RNF144A: variants seen among roughly 807,000 people sequenced by gnomAD.
RNF144A encodes ring finger protein 144A.
A neutral mutation model predicts 38.7 loss-of-function variants in RNF144A; 11 were observed. That is an observed-to-expected ratio of 0.28 (90% CI 0.18 to 0.47). RNF144A has a LOEUF of 0.47. RNF144A is among the 20% of genes least tolerant of loss of function. The pLI, the probability that RNF144A is intolerant of heterozygous loss-of-function variation, is 0.99. For missense variants in RNF144A, 316 were observed against 377.2 expected (o/e 0.84, Z 1.34); for synonymous variants, 149 against 143.9 (o/e 1.04, Z -0.25).
At chr2:6,952,402 TTTC>T (rs1226337314) in intron 2 of RNF144A, among the ~76,000 whole-genome samples, 1 of 150,734 alleles carries the variant, frequency 6.6e-6, no homozygotes, top group African/African-American at 2.5e-5. Flanking sequence ...GTTTTTTTTT[TTTC>T]CTGTTTTTCC....
At chr2:7,032,604 T>A (rs1019655486) in intron 8 of RNF144A, among the ~76,000 whole-genome samples, 1 of 152,242 alleles carries the variant, frequency 6.6e-6, no homozygotes. Context: ...GATGCGTCAC[T>A]GCAATCCTCC....
chr2:7,054,732 GTCCT>G (rs1276411292), intron 6 of RNF144A, among the ~76,000 whole-genome samples: 1 of 152,254 alleles, frequency 6.6e-6, no homozygotes, highest in East Asian at 1.9e-4. Context: ...GCAGAGAGCT[GTCCT>G]CACCAGAACC....
chr2:6,976,665 A>C (rs1159185079), intron 2 of RNF144A, among the ~76,000 whole-genome samples: 1 of 149,180 alleles, frequency 6.7e-6, no homozygotes, highest in Non-Finnish European at 1.5e-5. Context: ...TACATTTCAT[A>C]TATAAACTTT....
chr2:7,040,628 T>C lies in RNF144A; in HGVS notation c.*868T>C. 1 of 985,482 alleles carries C rather than the reference T, an allele frequency of 1.0e-6. No individual in the cohort carries two copies. The allele number at this position is 985,482 out of a possible 1,614,324, so 61.0% of individuals were successfully genotyped here. On this transcript the variant is annotated 3_prime_UTR_variant, in exon 9 of 9. Coordinates refer to ENST00000320892, the MANE Select transcript of RNF144A (RefSeq NM_014746.6). ...TTTTTATTGTATTCAATCCCACTGC[T>C]TTGCTCGGCAATGGTTCTCCTCCGA...
chr2:6,918,403 C>G (rs1249348682), intron 1 of RNF144A: 1 of 152,376 alleles, frequency 6.6e-6, no homozygotes, highest in Non-Finnish European at 1.5e-5. Context: ...CTTCTTTACC[C>G]TAATGGTCTT....
At position 7,015,969 on chromosome 2, in the gene RNF144A, C is replaced by T. The variant is rs147979892; in HGVS notation, c.301+1197C>T. On this transcript the variant is annotated intron_variant, in intron 5 of 8. Transcript: ENST00000320892. ...CAGAGACTCCCAGTTTAGCTGCATG[C>T]AGAGACCTGTTGTTTGTATATTTTT... 3.0e-3 allele frequency among the ~76,000 whole-genome samples: 455 copies of T among 152,066 alleles called. 7 individuals are homozygous for T. Among genetic ancestry groups the T allele is most frequent in the Middle Eastern group, 0.01 (3 of 294 alleles).
intron 6 of RNF144A, among the ~76,000 whole-genome samples, chr2:7,063,827 T>G (rs1674074771): frequency 6.6e-6 from 1 of 152,204 alleles, no homozygotes; most frequent in Admixed American, 6.5e-5. Context: ...TCGTTAGTGG[T>G]GTTGACAAAT....
At chr2:7,070,169 T>TCTCTC (rs61385848), downstream of RNF144A, among the ~76,000 whole-genome samples, 13 of 151,962 alleles carry the variant, frequency 8.6e-5, no homozygotes, top group African/African-American at 3.1e-4. Flanking sequence ...TCTCTCTCTC[T>TCTCTC]TTATTTTTTA....
At chr2:6,937,059 A>G (rs1665637277) in intron 1 of RNF144A, among the ~76,000 whole-genome samples, 1 of 152,140 alleles carries the variant, frequency 6.6e-6, no homozygotes, top group African/African-American at 2.4e-5. Flanking sequence ...CCCAGTACGT[A>G]CATTCCTGGT....
intron 6 of RNF144A, among the ~76,000 whole-genome samples, chr2:7,049,743 A>G (rs1673444438): frequency 6.6e-6 from 1 of 152,234 alleles, no homozygotes; most frequent in Admixed American, 6.5e-5. Context: ...GGGAGTTATT[A>G]CAAACACCAA....
intron 2 of RNF144A, among the ~76,000 whole-genome samples, chr2:6,945,519 A>G (rs1280752828): frequency 6.6e-6 from 1 of 152,110 alleles, no homozygotes. Flanking sequence ...TACATGCCAA[A>G]TTGGAGGGAG....
At chr2:6,974,670 T>C (rs72781742) in intron 2 of RNF144A, among the ~76,000 whole-genome samples, 6,816 of 152,246 alleles carry the variant, frequency 0.045, 230 homozygotes, top group South Asian at 0.12. Context: ...CACATTGCCG[T>C]GAGCTGACCA....
At chr2:6,973,308 A>G (rs2103350392) in intron 2 of RNF144A, among the ~76,000 whole-genome samples, 1 of 152,348 alleles carries the variant, frequency 6.6e-6, no homozygotes, top group Admixed American at 6.5e-5. Context: ...GGATCTTTGG[A>G]TAAAGAGACT....
rs192378723 is a variant in RNF144A, at chr2:7,039,827, C to T, written c.*67C>T. On this transcript the variant is annotated 3_prime_UTR_variant, in exon 9 of 9. Transcript: ENST00000320892. ...GTGGCTCTCCCCCAACCCTCCCCACCGTCCCCCCTTCACTAAACATCTTTC... is the reference window on the plus strand; with the variant it reads ...GTGGCTCTCCCCCAACCCTCCCCACTGTCCCCCCTTCACTAAACATCTTTC... 1.9e-4 allele frequency: 303 copies of T among 1,582,860 alleles called. No individual in the cohort carries two copies. Among genetic ancestry groups the T allele is most frequent in the Non-Finnish European group, 2.3e-4 (270 of 1,162,474 alleles).
intron 2 of RNF144A, among the ~76,000 whole-genome samples, chr2:6,957,172 C>T (rs1329282227): frequency 6.6e-6 from 1 of 152,178 alleles, no homozygotes; most frequent in East Asian, 1.9e-4. Flanking sequence ...CGTGAGAGCC[C>T]TTCTCGTTGA....
At position 7,015,037 on chromosome 2, in the gene RNF144A, G is replaced by A. The variant is rs989754303; in HGVS notation, c.301+265G>A. ...ATAAGGATTGAGGCTCCTGGGGGAG[G>A]CTTAAAGTTGATGGCTCTCTTGAGG... On this transcript the variant is annotated intron_variant, in intron 5 of 8. Coordinates refer to ENST00000320892, the MANE Select transcript of RNF144A (RefSeq NM_014746.6). Among the ~76,000 whole-genome samples the A allele has an allele frequency of 1.4e-4, 21 of 152,344 alleles. 1 individual carries two copies. Among genetic ancestry groups the A allele is most frequent in the Middle Eastern group, 3.4e-3 (1 of 294 alleles).
intron 7 of RNF144A, among the ~76,000 whole-genome samples, chr2:7,028,582 G>A (rs190296866): frequency 3.3e-4 from 51 of 152,290 alleles, no homozygotes; most frequent in Non-Finnish European, 4.9e-4. Flanking sequence ...ATTCAAAAAC[G>A]TTTAAAGAGC....
Position 7,044,168 on chromosome 2 carries a change from G to C in RNF144A, c.*4408G>C. On this transcript the variant is annotated 3_prime_UTR_variant, in exon 9 of 9. Coordinates refer to ENST00000320892, the MANE Select transcript of RNF144A (RefSeq NM_014746.6). ...AAGCTATTTTGGCTGGAATACAGGT[G>C]ACTTTTGTAAACCCCGCGTGGCTCC... The C allele has an allele frequency of 1.0e-6, 1 of 985,650 alleles. No individual in the cohort carries two copies. Among genetic ancestry groups the C allele is most frequent in the Middle Eastern group, 5.2e-4 (1 of 1,914 alleles). 61.1% of individuals were successfully genotyped at this position (985,650 alleles called of 1,614,324 possible).
At chr2:6,936,896 G>A (rs569715006) in intron 1 of RNF144A, among the ~76,000 whole-genome samples, 15 of 147,706 alleles carry the variant, frequency 1.0e-4, no homozygotes, top group Admixed American at 6.8e-4. Flanking sequence ...GGCCAGGTGC[G>A]GTCTATAGGT....
Sources: gnomAD v4.1 joint callset for allele counts (sites outside exome capture counted in the v4.1 genomes callset) on GRCh38, gnomAD v4.1.1 for gene constraint, MANE v1.5 for transcripts, NCBI Gene and HGNC (gene_info 2026-07-23, HGNC 2026-07-21) for gene names.